Variants in SAXO1 observed in about 807,000 individuals in gnomAD.
SAXO1 encodes the protein 4930500O09Rik.
In SAXO1, 21 loss-of-function variants were observed where a neutral mutation model predicts 17.5. That is an observed-to-expected ratio of 1.20 (90% CI 0.85 to 1.72). The LOEUF (loss-of-function observed/expected upper bound fraction) is 1.72, where lower values mean the gene tolerates loss of function less well. Ranked by LOEUF, SAXO1 falls within the 40% of genes most tolerant of loss-of-function variation. SAXO1 has a pLI of 0.00. For missense variants in SAXO1, 843 were observed against 596.0 expected, an observed-to-expected ratio of 1.41 and a Z score of -4.32; for synonymous variants, 274 against 216.5, an observed-to-expected ratio of 1.27 and a Z score of -2.33.
intron 1 of SAXO1, among the ~76,000 whole-genome samples, chr9:18,955,305 T>G (rs1832212779): frequency 6.6e-6 from 1 of 152,236 alleles, no homozygotes; most frequent in Admixed American, 6.5e-5. Context: ...CAACATCCAT[T>G]TAAAAATTAT....
Position 18,928,195 on chromosome 9 carries a change from G to T in SAXO1, c.1282C>A (p.Pro428Thr). Reference sequence around the variant, plus strand: ...TCCACTTCCTCAAAGGTGTAGCCAGGAGGCTCAGGATATGAAGCTAGGCAC... The same window carrying T: ...TCCACTTCCTCAAAGGTGTAGCCAGTAGGCTCAGGATATGAAGCTAGGCAC... ...GRCLASYPEP[P>T]GYTFEEVDAL... is the part of the protein sequence containing the mutation. Residue 428 changes from proline (P) to threonine (T), a missense_variant, in exon 4 of 4, where the codon CCT becomes ACT. By Grantham distance (38) the Pro-to-Thr change is conservative (BLOSUM62 -1). Coordinates refer to ENST00000380534, the MANE Select transcript of SAXO1 (RefSeq NM_153707.4). 6.2e-7 allele frequency: 1 copy of T among 1,614,210 alleles called. No individual in the cohort carries two copies. The highest frequency in any genetic ancestry group is 2.2e-5 in the East Asian group (1 of 44,874).
At chr9:18,948,945 T>A (rs1806456638) in intron 2 of SAXO1, among the ~76,000 whole-genome samples, 1 of 152,204 alleles carries the variant, frequency 6.6e-6, no homozygotes, top group Admixed American at 6.5e-5. Flanking sequence ...AGTACTACTC[T>A]CACCCTTTCC....
intron 1 of SAXO1, among the ~76,000 whole-genome samples, chr9:18,990,130 T>C: frequency 6.6e-6 from 1 of 151,576 alleles, no homozygotes; most frequent in African/African-American, 2.4e-5. Flanking sequence ...TTGATTTCGG[T>C]GCTGCCTACC....
At chr9:19,048,156 T>G (rs1328742636) in intron 1 of SAXO1, among the ~76,000 whole-genome samples, 1 of 152,206 alleles carries the variant, frequency 6.6e-6, no homozygotes, top group African/African-American at 2.4e-5. Flanking sequence ...ATTTGTACAG[T>G]ACAGTATACA....
upstream of SAXO1, among the ~76,000 whole-genome samples, chr9:19,036,737 A>T (rs896336559): frequency 1.4e-4 from 21 of 152,186 alleles, no homozygotes; most frequent in African/African-American, 4.8e-4. Context: ...GCAGGGTTGG[A>T]ACTCTCATGG....
At chr9:19,018,172 A>G (rs902972951) in intron 1 of SAXO1, among the ~76,000 whole-genome samples, 8 of 152,038 alleles carry the variant, frequency 5.3e-5, no homozygotes, top group Non-Finnish European at 1.0e-4. Context: ...CATCTCAAAA[A>G]AAAAAAAACA....
At chr9:18,951,992 T>C (rs1403052760) in intron 1 of SAXO1, among the ~76,000 whole-genome samples, 1 of 152,244 alleles carries the variant, frequency 6.6e-6, no homozygotes, top group Non-Finnish European at 1.5e-5. Flanking sequence ...ATTGAACAAA[T>C]GATAAATAGT....
Position 18,928,359 on chromosome 9 carries a change from G to T in SAXO1, c.1118C>A (p.Thr373Asn). 6.2e-7 allele frequency: 1 copy of T among 1,613,438 alleles called. No homozygotes were observed. The highest frequency in any genetic ancestry group is 8.5e-7 in the Non-Finnish European group (1 of 1,179,724). ...LPTEPLDCLT[T>N]TRAHYVPHLP... ...GTGGGGCACATAGTGGGCCCGAGTG[G>T]TGGTCAGGCAGTCCAGGGGCTCGGT... The change falls in exon 4 of 4, where the codon ACC becomes AAC. Residue 373 changes from threonine (T) to asparagine (N), a missense_variant. By Grantham distance (65) the Thr-to-Asn change is moderately conservative (BLOSUM62 0). Transcript: ENST00000380534.
At chr9:18,984,010 T>C (rs1044691534) in intron 1 of SAXO1, among the ~76,000 whole-genome samples, 10 of 152,244 alleles carry the variant, frequency 6.6e-5, no homozygotes, top group Non-Finnish European at 1.3e-4. Flanking sequence ...GAATGGATGT[T>C]ATGTTAGCAG....
At chr9:18,940,296 T>C (rs1179826887) in intron 3 of SAXO1, among the ~76,000 whole-genome samples, 1 of 152,236 alleles carries the variant, frequency 6.6e-6, no homozygotes, top group Non-Finnish European at 1.5e-5. Flanking sequence ...ATTCAGAATA[T>C]TAGTCAGTTC....
Position 18,961,777 on chromosome 9 carries a change from G to C in SAXO1, c.39-10840C>G, listed in dbSNP as rs1200382595. 3.9e-5 allele frequency among the ~76,000 whole-genome samples: 6 copies of C among 152,170 alleles called. No individual in the cohort carries two copies. The East Asian group carries it at 1.2e-3, about 29-fold the overall frequency. On this transcript the variant is annotated intron_variant, in intron 1 of 3. Transcript: ENST00000380534. Reference sequence around the variant, plus strand: ...GTGGGTTCCAAGTCTTTGCTATTGTGAATAGTGCTTCAATAAACATACGTG... The same window carrying C: ...GTGGGTTCCAAGTCTTTGCTATTGTCAATAGTGCTTCAATAAACATACGTG...
chr9:18,958,425 G>T (rs1442241836), intron 1 of SAXO1, among the ~76,000 whole-genome samples: 2 of 152,010 alleles, frequency 1.3e-5, no homozygotes, highest in African/African-American at 4.8e-5. Flanking sequence ...CTCCGTCTGA[G>T]AAAATAAATA....
At chr9:19,003,751 G>A (rs1477530508) in intron 1 of SAXO1, among the ~76,000 whole-genome samples, 1 of 152,108 alleles carries the variant, frequency 6.6e-6, no homozygotes, top group African/African-American at 2.4e-5. Flanking sequence ...ACTCAAGATG[G>A]CCTAAAGACT....
intron 1 of SAXO1, chr9:19,027,990 C>T (rs184362805): frequency 7.6e-6 from 12 of 1,580,696 alleles, no homozygotes; most frequent in East Asian, 4.5e-5. Flanking sequence ...ATGACTTCAA[C>T]GGGGCCCAGT....
At chr9:19,003,789 C>G (rs1370248418) in intron 1 of SAXO1, among the ~76,000 whole-genome samples, 1 of 152,136 alleles carries the variant, frequency 6.6e-6, no homozygotes, top group Non-Finnish European at 1.5e-5. Context: ...ACCATAAAAA[C>G]CCTAGAAGAA....
intron 1 of SAXO1, among the ~76,000 whole-genome samples, chr9:19,031,519 C>A (rs1835770844): frequency 6.6e-6 from 1 of 152,214 alleles, no homozygotes; most frequent in South Asian, 2.1e-4. Flanking sequence ...CGAGATGGCA[C>A]CACTGCACTC....
chr9:19,019,188 A>G (rs564033898), intron 1 of SAXO1, among the ~76,000 whole-genome samples: 1 of 152,278 alleles, frequency 6.6e-6, no homozygotes, highest in South Asian at 2.1e-4. Context: ...TATTCTTCAT[A>G]TCACATGTAC....
intron 1 of SAXO1, among the ~76,000 whole-genome samples, chr9:19,045,185 C>T (rs1419783257): frequency 6.6e-6 from 1 of 150,884 alleles, no homozygotes; most frequent in African/African-American, 2.4e-5. Flanking sequence ...TGGCGGGCGC[C>T]TGTAGTCCCA....
intron 1 of SAXO1, among the ~76,000 whole-genome samples, chr9:19,013,498 C>G (rs1834841080): frequency 2.0e-5 from 3 of 150,238 alleles, no homozygotes; most frequent in Admixed American, 2.0e-4. Flanking sequence ...AGTCACAATA[C>G]TGTCACGTCT....
Sources: allele counts gnomAD v4.1 joint callset (sites outside exome capture counted in the v4.1 genomes callset), GRCh38; gene constraint gnomAD v4.1.1; transcripts MANE v1.5; gene names NCBI Gene and HGNC (gene_info 2026-07-23, HGNC 2026-07-21).